The following RUNX3 variants were observed in gnomAD, a reference collection of about 807,000 sequenced individuals.
The protein encoded by RUNX3 is RUNX family transcription factor 3.
In RUNX3, 10 loss-of-function variants were observed where a neutral mutation model predicts 27.7. The ratio of observed to expected loss-of-function variants is 0.36; its 90% CI spans 0.22 to 0.61. RUNX3 has a LOEUF of 0.61. Ranked by LOEUF, RUNX3 falls within the 20% of genes least tolerant of loss-of-function variation. The probability of loss-of-function intolerance (pLI) is 0.72; values close to 1 mark genes in which losing one functional copy is unlikely to be tolerated. For synonymous variants in RUNX3, 270 were observed against 269.2 expected (o/e 1.00, Z -0.03); for missense variants, 469 against 629.5 (o/e 0.75, Z 2.73).
rs1221629051 is a variant in RUNX3 at position 24,901,746 on chromosome 1, C to CCT, written c.*374_*375dup. ...AGGCTTATCCTGTGGGCCAATGCTG[C>CCT]CTCTCTCTGGAAGAGAGATGGCCTC... On this transcript the variant is annotated 3_prime_UTR_variant, in exon 5 of 5. Coordinates refer to ENST00000308873, the MANE Select transcript of RUNX3 (RefSeq NM_004350.3). The CCT allele has an allele frequency of 4.7e-6, 1 of 211,956 alleles. No individual in the cohort carries two copies. Among genetic ancestry groups the CCT allele is most frequent in the African/African-American group, 2.3e-5 (1 of 43,560 alleles). The allele number at this position is 211,956 out of a possible 1,614,324, so 13.1% of individuals were successfully genotyped here.
upstream of RUNX3, among the ~76,000 whole-genome samples, chr1:24,932,757 C>T (rs914339541): frequency 7.2e-5 from 11 of 152,192 alleles, no homozygotes; most frequent in Admixed American, 2.6e-4. Context: ...TCCGACTCCC[C>T]CACCTGGGGC....
chr1:24,919,783 T>C (rs1202590965), intron 2 of RUNX3, among the ~76,000 whole-genome samples: 3 of 150,098 alleles, frequency 2.0e-5, no homozygotes, highest in Non-Finnish European at 3.0e-5. Context: ...TAGCTGGAGA[T>C]AGACACCGTT....
intron 4 of RUNX3, 47 bp downstream of exon 4, chr1:24,907,212 C>T (rs750653774): frequency 1.8e-5 from 29 of 1,584,112 alleles, no homozygotes; most frequent in Non-Finnish European, 2.3e-5. Context: ...CATCGAGGCC[C>T]TCCACCCCCA....
rs1292707191 is a variant in RUNX3, at chr1:24,929,673, G to A, written c.196C>T (p.Leu66Phe). ...VDVLADHAGE[L>F]VRTDSPNFLC... ...AAGTTGGGGCTGTCGGTGCGCACGA[G>A]CTCGCCTGCGTGGTCCGCCAGCACG... is the stretch of plus-strand genomic sequence containing the variant. Residue 66 changes from leucine to phenylalanine, a missense_variant, in exon 1 of 5, where the codon CTC becomes TTC. By Grantham distance (22) the Leu-to-Phe change is conservative. Around this residue, in one of 3 missense-constraint regions of RUNX3, gnomAD observed 115 missense variants for 118.0 expected, o/e 0.97. Transcript: ENST00000308873. 6.3e-7 allele frequency: 1 copy of A among 1,596,804 alleles called. No individual in the cohort carries two copies. Among genetic ancestry groups the A allele is most frequent in the South Asian group, 1.1e-5 (1 of 89,696 alleles).
At chr1:24,958,842 G>T (rs1405960901) in intron 2 of RUNX3, among the ~76,000 whole-genome samples, 1 of 152,250 alleles carries the variant, frequency 6.6e-6, no homozygotes, top group African/African-American at 2.4e-5. Context: ...TTTGGGTTCA[G>T]TCTGGAAGAT....
At chr1:24,942,160 T>A (rs1176766706) in intron 2 of RUNX3, among the ~76,000 whole-genome samples, 1 of 151,802 alleles carries the variant, frequency 6.6e-6, no homozygotes, top group Non-Finnish European at 1.5e-5. Context: ...CCTTAGCAGC[T>A]CTGAGCTTAG....
At chr1:24,954,511 C>T in intron 2 of RUNX3, among the ~76,000 whole-genome samples, 1 of 152,212 alleles carries the variant, frequency 6.6e-6, no homozygotes, top group Non-Finnish European at 1.5e-5. Flanking sequence ...AGAAGGGCCT[C>T]ATGCTTGGTT....
intron 2 of RUNX3, among the ~76,000 whole-genome samples, chr1:24,925,002 C>A (rs1372485543): frequency 6.6e-6 from 1 of 152,138 alleles, no homozygotes; most frequent in Non-Finnish European, 1.5e-5. Context: ...GGAATTCAGA[C>A]AGAATGTAGA....
At chr1:24,939,630 C>G (rs1000402915) in intron 2 of RUNX3, among the ~76,000 whole-genome samples, 1 of 152,322 alleles carries the variant, frequency 6.6e-6, no homozygotes, top group Non-Finnish European at 1.5e-5. Context: ...GGAGTCGAAC[C>G]CTGGCTCTGG....
At chr1:24,931,042 C>T (rs1641216839), upstream of RUNX3, among the ~76,000 whole-genome samples, 1 of 152,250 alleles carries the variant, frequency 6.6e-6, no homozygotes, top group Admixed American at 6.5e-5. Flanking sequence ...CGGCCTGTGG[C>T]TCTTTGAAAA....
At chr1:24,925,863 C>T (rs1405577822) in intron 2 of RUNX3, among the ~76,000 whole-genome samples, 2 of 152,188 alleles carry the variant, frequency 1.3e-5, no homozygotes, top group African/African-American at 4.8e-5. Context: ...AAGCTCCCAA[C>T]CAACGCCTTG....
At position 24,943,681 on chromosome 1, in the gene RUNX3, G is replaced by C. The variant is rs1309187325; in HGVS notation, c.59-13829C>G. 6.6e-6 allele frequency among the ~76,000 whole-genome samples: 1 copy of C among 152,134 alleles called. No individual in the cohort carries two copies. The highest frequency in any genetic ancestry group is 1.5e-5 in the Non-Finnish European group (1 of 68,032). On this transcript the variant is annotated intron_variant, in intron 2 of 6. Transcript: ENST00000338888. The surrounding 1 kb of genome is among the most constrained non-coding windows in gnomAD (Gnocchi z 4.6). ...CTGGAGAGGGGATGTGACGTGCTGG[G>C]GCCCAGGGGAGTCCAAAGTCAGGAC...
In RUNX3 at chr1:24,946,372, C is replaced by T. The variant is rs1000865740; in HGVS notation, c.59-16520G>A. Among the ~76,000 whole-genome samples the T allele has an allele frequency of 3.3e-5, 5 of 151,704 alleles. No individual in the cohort carries two copies. In the South Asian group the frequency reaches 6.3e-4, roughly 19 times the overall value. The stretch of plus-strand genomic sequence containing the variant: ...ATGTATAGATTTATTATCTTCTTCT[C>T]TTCCCCGCCCTCCCTCCCTTCTCTC... On this transcript the variant is annotated intron_variant, in intron 2 of 6. Coordinates refer to the RUNX3 transcript ENST00000338888.
chr1:24,919,663 G>A (rs1640957933), intron 2 of RUNX3, among the ~76,000 whole-genome samples: 1 of 152,034 alleles, frequency 6.6e-6, no homozygotes, highest in Non-Finnish European at 1.5e-5. Flanking sequence ...GTGGGGAGCA[G>A]GATGGGTATA....
At chr1:24,932,605 A>G (rs938580018), upstream of RUNX3, among the ~76,000 whole-genome samples, 15 of 152,166 alleles carry the variant, frequency 9.9e-5, no homozygotes, top group African/African-American at 2.7e-4. Flanking sequence ...CTCACCTCTG[A>G]TAAGATGGAC....
intron 4 of RUNX3, among the ~76,000 whole-genome samples, chr1:24,905,583 G>A (rs1421075074): frequency 1.3e-5 from 2 of 152,244 alleles, no homozygotes; most frequent in African/African-American, 4.8e-5. Context: ...AGCCCAGGAT[G>A]GAAGCAGCAG....
intron 2 of RUNX3, among the ~76,000 whole-genome samples, chr1:24,921,235 A>G (rs570152890): frequency 6.1e-4 from 93 of 152,284 alleles, no homozygotes; most frequent in African/African-American, 2.2e-3. Context: ...TTCTCTTTGC[A>G]TGGCCGGGTA....
At position 24,923,301 on chromosome 1, in the gene RUNX3, T is replaced by C. The variant is rs896267573; in HGVS notation, c.440-3957A>G. On this transcript the variant is annotated intron_variant, in intron 2 of 4. Coordinates refer to ENST00000308873, the MANE Select transcript of RUNX3 (RefSeq NM_004350.3). This position sits in a 1 kb window ranked among gnomAD's most constrained non-coding sequence, Gnocchi z 5.9. ...CCTGGACCTCGGGAGACAGGGAGCC[T>C]GGGGAGCAGGGGTGGGAGAAAGCTG... 6.6e-6 allele frequency among the ~76,000 whole-genome samples: 1 copy of C among 152,036 alleles called. No homozygotes were observed. The highest frequency in any genetic ancestry group is 1.9e-4 in the East Asian group (1 of 5,180).
At chr1:24,950,497 C>T (rs537757950) in intron 2 of RUNX3, among the ~76,000 whole-genome samples, 5 of 152,310 alleles carry the variant, frequency 3.3e-5, no homozygotes, top group Admixed American at 1.3e-4. Context: ...TAATTCAGAG[C>T]GAAAATGATC....
Sources: gnomAD v4.1 joint callset for allele counts (sites outside exome capture counted in the v4.1 genomes callset) on GRCh38, gnomAD v4.1.1 for gene constraint, gnomAD v4.1.1 regional missense constraint, Gnocchi (gnomAD v3.1) non-coding constraint, MANE v1.5 for transcripts, NCBI Gene and HGNC (gene_info 2026-07-23, HGNC 2026-07-21) for gene names.